Variants in PITPNM2 observed in about 807,000 individuals in gnomAD.
PITPNM2 encodes membrane-associated phosphatidylinositol transfer protein 2.
Under a neutral mutation model 132.2 loss-of-function variants are expected in PITPNM2, and 35 were observed. The observed-to-expected ratio is 0.26, with a 90% CI of 0.20 to 0.35. The LOEUF is 0.35. Among genes scored for constraint, PITPNM2 ranks in the 10% least tolerant of loss-of-function variants. The pLI, the probability that PITPNM2 is intolerant of heterozygous loss-of-function variation, is 1.00. For missense variants in PITPNM2, 1,332 were observed against 1,912.0 expected, an observed-to-expected ratio of 0.70 and a Z score of 5.66; for synonymous variants, 738 against 799.2, an observed-to-expected ratio of 0.92 and a Z score of 1.29.
intron 1 of PITPNM2, among the ~76,000 whole-genome samples, chr12:123,148,405 C>T (rs2043661898): frequency 6.6e-6 from 1 of 152,174 alleles, no homozygotes; most frequent in Admixed American, 6.5e-5. Flanking sequence ...GAGCACACGG[C>T]CCTGGCATTT....
intron 1 of PITPNM2, among the ~76,000 whole-genome samples, chr12:123,118,045 G>T (rs2042963811): frequency 1.3e-5 from 2 of 152,218 alleles, no homozygotes; most frequent in Non-Finnish European, 2.9e-5. Flanking sequence ...CCACATGGAG[G>T]CCACTCACAG....
chr12:123,070,167 G>A (rs2041581519), intron 2 of PITPNM2, among the ~76,000 whole-genome samples: 1 of 152,220 alleles, frequency 6.6e-6, no homozygotes, highest in Non-Finnish European at 1.5e-5. Context: ...CCCTAGCCCA[G>A]CTCTCTTCAC....
intron 2 of PITPNM2, among the ~76,000 whole-genome samples, chr12:123,041,059 G>GTGA (rs2040454918): frequency 6.6e-6 from 1 of 152,228 alleles, no homozygotes; most frequent in Non-Finnish European, 1.5e-5. Context: ...TGGTAGTGTT[G>GTGA]TGATTAAAAT....
rs1413518076 is a variant in PITPNM2, at chr12:123,077,111, CAG to C, written c.-96+33272_-96+33273del. ...TGATGCAGAATGTTGACCCACTGGG[CAG>C]CAGGCTTGAAATCCTGCCTGACCAA... On this transcript the variant is annotated intron_variant, in intron 2 of 25. Transcript: ENST00000320201. This position sits in a 1 kb window ranked among gnomAD's most constrained non-coding sequence, Gnocchi z 4.8. 2.6e-5 allele frequency among the ~76,000 whole-genome samples: 4 copies of C among 152,172 alleles called. No homozygotes were observed. The highest frequency in any genetic ancestry group is 5.9e-5 in the Non-Finnish European group (4 of 68,022).
rs886567598 is a variant in PITPNM2, at chr12:123,022,193, C to T, written c.79-8151G>A. 1.3e-5 allele frequency among the ~76,000 whole-genome samples: 2 copies of T among 152,190 alleles called. No individual in the cohort carries two copies. Among genetic ancestry groups the T allele is most frequent in the Admixed American group, 1.3e-4 (2 of 15,276 alleles). On this transcript the variant is annotated intron_variant, in intron 3 of 25. Coordinates refer to ENST00000320201, the MANE Select transcript of PITPNM2 (RefSeq NM_020845.3). This position sits in a 1 kb window ranked among gnomAD's most constrained non-coding sequence, Gnocchi z 4.9. The stretch of plus-strand genomic sequence containing the variant: ...AGGGGCCAGGCAGCACGGCTCTCCG[C>T]TCAGCCTTTTTCTGGTCCTGGATCA...
rs761722449 is a variant in PITPNM2 at position 123,004,376 on chromosome 12, A to G, written c.1048+18T>C. On this transcript the variant is annotated intron_variant, in intron 8 of 25. Transcript: ENST00000320201. The surrounding 1 kb of genome is among the most constrained non-coding windows in gnomAD (Gnocchi z 4.9). Reference sequence around the variant, plus strand: ...CGCCCAGGAAGGCCCCAAGGACTGCAGAGCGCTGCCTGCCTACCGTGCGCA... The same window carrying G: ...CGCCCAGGAAGGCCCCAAGGACTGCGGAGCGCTGCCTGCCTACCGTGCGCA... 6.8e-6 allele frequency: 11 copies of G among 1,613,222 alleles called. No individual in the cohort carries two copies. The South Asian group carries it at 8.8e-5, about 13-fold the overall frequency.
At position 123,058,428 on chromosome 12, in the gene PITPNM2, C is replaced by T. The variant is rs550469402; in HGVS notation, c.-95-23743G>A. ...GTTTCCAGTTTGGTTCCTCTGAAAT[C>T]CTCCTTCTAGAAACCATTAGAGGAC... is the stretch of plus-strand genomic sequence containing the variant. On this transcript the variant is annotated intron_variant, in intron 2 of 25. Transcript: ENST00000320201. This position sits in a 1 kb window ranked among gnomAD's most constrained non-coding sequence, Gnocchi z 4.0. 6.6e-6 allele frequency among the ~76,000 whole-genome samples: 1 copy of T among 152,338 alleles called. No individual in the cohort carries two copies. Among genetic ancestry groups the T allele is most frequent in the Non-Finnish European group, 1.5e-5 (1 of 68,038 alleles).
chr12:123,151,079 G>A lies in PITPNM2; in HGVS notation c.-526C>T, dbSNP rs1375000600. On this transcript the variant is annotated 5_prime_UTR_variant, in exon 1 of 26. Transcript: ENST00000320201. ...GCGCCGCGGTGCCCCGCGCACCCCA[G>A]CGGCCGCTGCTGCCCGCGCGCGCCG... Among the ~76,000 whole-genome samples, 2 of 145,842 alleles carry A rather than the reference G, an allele frequency of 1.4e-5. No individual in the cohort carries two copies. The highest frequency in any genetic ancestry group is 4.9e-5 in the African/African-American group (2 of 40,754).
At chr12:123,114,088 A>G (rs2042891169) in intron 1 of PITPNM2, among the ~76,000 whole-genome samples, 2 of 152,236 alleles carry the variant, frequency 1.3e-5, no homozygotes, top group South Asian at 4.2e-4. Context: ...TTATCCATTC[A>G]TCCATCGATG....
At chr12:123,029,045 G>T (rs1042148227) in intron 3 of PITPNM2, among the ~76,000 whole-genome samples, 4 of 152,198 alleles carry the variant, frequency 2.6e-5, no homozygotes, top group Non-Finnish European at 5.9e-5. Flanking sequence ...CACAGGCTGG[G>T]GTTGAGAGGG....
chr12:123,142,714 G>A (rs1297988167), intron 1 of PITPNM2, among the ~76,000 whole-genome samples: 1 of 152,146 alleles, frequency 6.6e-6, no homozygotes, highest in Non-Finnish European at 1.5e-5. Context: ...ACGATAACCC[G>A]CTGAAGTGCC....
intron 8 of PITPNM2, among the ~76,000 whole-genome samples, chr12:123,003,553 T>C (rs2038788732): frequency 6.6e-6 from 1 of 152,172 alleles, no homozygotes; most frequent in Non-Finnish European, 1.5e-5. Flanking sequence ...TTCTTCTGCC[T>C]GGACACTGAC....
At chr12:123,048,482 G>A (rs981577656) in intron 2 of PITPNM2, among the ~76,000 whole-genome samples, 2 of 151,356 alleles carry the variant, frequency 1.3e-5, no homozygotes, top group African/African-American at 4.8e-5. Context: ...GCGCAATCTC[G>A]GCTCACTGCA....
intron 3 of PITPNM2, among the ~76,000 whole-genome samples, chr12:123,017,830 G>A (rs1468791248): frequency 6.6e-6 from 1 of 152,208 alleles, no homozygotes; most frequent in East Asian, 1.9e-4. Flanking sequence ...TATAGAGACA[G>A]AAAGTGAATT....
rs978919201 is a variant in PITPNM2, at chr12:123,031,859, A to T, written c.78+2654T>A. On this transcript the variant is annotated intron_variant, in intron 3 of 25. Transcript: ENST00000320201. The surrounding 1 kb of genome is among the most constrained non-coding windows in gnomAD (Gnocchi z 4.5). ...GCTCACCCAGAAGGTGCACAGGGAA[A>T]GGCTCTGGAAGCTCAGAGGAGCAGC... Among the ~76,000 whole-genome samples, 6 of 152,212 alleles carry T rather than the reference A, an allele frequency of 3.9e-5. No homozygotes were observed. Among genetic ancestry groups the T allele is most frequent in the African/African-American group, 1.4e-4 (6 of 41,450 alleles).
At chr12:123,114,929 C>T (rs553898042) in intron 1 of PITPNM2, among the ~76,000 whole-genome samples, 3 of 152,334 alleles carry the variant, frequency 2.0e-5, no homozygotes, top group Non-Finnish European at 4.4e-5. Context: ...GGCACAGTTA[C>T]GGTGTAGACC....
chr12:123,064,628 A>G lies in PITPNM2; in HGVS notation c.-95-29943T>C, dbSNP rs1293509993. Among the ~76,000 whole-genome samples the G allele has an allele frequency of 6.6e-6, 1 of 152,238 alleles. No individual in the cohort carries two copies. Among genetic ancestry groups the G allele is most frequent in the Non-Finnish European group, 1.5e-5 (1 of 68,044 alleles). On this transcript the variant is annotated intron_variant, in intron 2 of 25. Coordinates refer to ENST00000320201, the MANE Select transcript of PITPNM2 (RefSeq NM_020845.3). The surrounding 1 kb of genome is among the most constrained non-coding windows in gnomAD (Gnocchi z 4.0). ...ACTGGGTCAAAAACAAAACGAGCCC[A>G]GCAACACCCCTGTGTCAACAGGGTG...
At chr12:123,057,789 AAAG>A (rs990952096) in intron 2 of PITPNM2, among the ~76,000 whole-genome samples, 4 of 152,152 alleles carry the variant, frequency 2.6e-5, no homozygotes, top group African/African-American at 9.7e-5. Context: ...AGGCTATGGG[AAAG>A]AAGGAGGGGG....
intron 1 of PITPNM2, among the ~76,000 whole-genome samples, chr12:123,140,558 T>TA (rs961485362): frequency 5.9e-5 from 9 of 151,962 alleles, no homozygotes; most frequent in East Asian, 1.9e-4. Flanking sequence ...GTGCTCTTTT[T>TA]AAAAAAATCC....
Sources: gnomAD v4.1 joint callset for allele counts (sites outside exome capture counted in the v4.1 genomes callset) on GRCh38, gnomAD v4.1.1 for gene constraint, Gnocchi (gnomAD v3.1) non-coding constraint, MANE v1.5 for transcripts, NCBI Gene and HGNC (gene_info 2026-07-23, HGNC 2026-07-21) for gene names.